CDH9: variants seen among roughly 807,000 people sequenced by gnomAD.
CDH9 encodes the protein cadherin-9.
Under a neutral mutation model 70.9 loss-of-function variants are expected in CDH9, and 28 were observed. That is an observed-to-expected ratio of 0.40 (90% CI 0.29 to 0.54). The LOEUF is 0.54. CDH9 is among the 20% of genes least tolerant of loss of function. The probability of loss-of-function intolerance (pLI) is 0.59; values close to 1 mark genes in which losing one functional copy is unlikely to be tolerated. For missense variants in CDH9, 874 were observed against 984.4 expected, an observed-to-expected ratio of 0.89 and a Z score of 1.50; for synonymous variants, 409 against 343.1, an observed-to-expected ratio of 1.19 and a Z score of -2.12.
At chr5:26,954,217 TTAAA>T (rs1360782999) in intron 2 of CDH9, among the ~76,000 whole-genome samples, 1 of 152,104 alleles carries the variant, frequency 6.6e-6, no homozygotes, top group Non-Finnish European at 1.5e-5. Context: ...TGAAAGGTAT[TTAAA>T]TAAAGATTTT....
intron 7 of CDH9, among the ~76,000 whole-genome samples, chr5:26,892,989 T>C (rs1449409212): frequency 1.3e-5 from 2 of 152,114 alleles, no homozygotes; most frequent in African/African-American, 4.8e-5. Flanking sequence ...TGCCTTGGCC[T>C]CCCAAAGTGC....
At chr5:26,963,696 C>T (rs947545959) in intron 2 of CDH9, among the ~76,000 whole-genome samples, 3 of 151,926 alleles carry the variant, frequency 2.0e-5, no homozygotes, top group African/African-American at 7.3e-5. Context: ...AATCTGCGAA[C>T]ATTAGTGCAC....
intron 1 of CDH9, among the ~76,000 whole-genome samples, chr5:26,993,090 A>C (rs1337877018): frequency 6.9e-6 from 1 of 144,962 alleles, no homozygotes; most frequent in Non-Finnish European, 1.5e-5. Context: ...AACAAGGGTG[A>C]AACTCCGTCT....
chr5:26,973,340 T>C (rs963103597), intron 2 of CDH9, among the ~76,000 whole-genome samples: 10 of 152,174 alleles, frequency 6.6e-5, no homozygotes, highest in African/African-American at 2.4e-4. Context: ...CAATGGTCTG[T>C]TTAGCCTCTG....
chr5:26,964,719 T>G (rs912047457), intron 2 of CDH9, among the ~76,000 whole-genome samples: 3 of 152,040 alleles, frequency 2.0e-5, no homozygotes, highest in Admixed American at 1.3e-4. Flanking sequence ...GCCATGTTGG[T>G]TTGCTGCACC....
At chr5:27,011,393 A>T (rs1022537376) in intron 1 of CDH9, among the ~76,000 whole-genome samples, 3 of 152,082 alleles carry the variant, frequency 2.0e-5, no homozygotes, top group Admixed American at 2.0e-4. Context: ...CAGAAGAGAC[A>T]CAGACAGCAG....
chr5:26,906,855 TC>T lies in CDH9; in HGVS notation c.524-18del. The T allele has an allele frequency of 6.3e-7, 1 of 1,585,312 alleles. No individual in the cohort carries two copies. Among genetic ancestry groups the T allele is most frequent in the South Asian group, 1.2e-5 (1 of 86,860 alleles). On this transcript the variant is annotated intron_variant, in intron 3 of 11. Coordinates refer to ENST00000231021, the MANE Select transcript of CDH9 (RefSeq NM_016279.4). The stretch of plus-strand genomic sequence containing the variant: ...CAGATGTACCTACATGAAACCCCCA[TC>T]CCCAAACAGAGACATTTACATACTT...
intron 2 of CDH9, among the ~76,000 whole-genome samples, chr5:26,918,394 G>T (rs1236020658): frequency 1.3e-5 from 2 of 152,108 alleles, no homozygotes; most frequent in African/African-American, 4.8e-5. Flanking sequence ...CATCACATTT[G>T]ATGTAATTGT....
intron 2 of CDH9, among the ~76,000 whole-genome samples, chr5:26,917,942 AT>A (rs1741176568): frequency 1.3e-5 from 2 of 152,192 alleles, no homozygotes; most frequent in African/African-American, 4.8e-5. Context: ...TTGGTGTTAT[AT>A]TGGCCTGTGG....
intron 2 of CDH9, among the ~76,000 whole-genome samples, chr5:26,971,729 T>C (rs1742221784): frequency 6.6e-6 from 1 of 151,928 alleles, no homozygotes; most frequent in African/African-American, 2.4e-5. Context: ...GGTTAGGTAG[T>C]TTTTCTTTTC....
At chr5:26,938,157 A>C (rs554762578) in intron 2 of CDH9, among the ~76,000 whole-genome samples, 9 of 151,932 alleles carry the variant, frequency 5.9e-5, no homozygotes, top group Admixed American at 5.9e-4. Flanking sequence ...TAAAAATAAA[A>C]ATCTATTAAT....
intron 2 of CDH9, among the ~76,000 whole-genome samples, chr5:26,927,860 A>T (rs2112020100): frequency 6.6e-6 from 1 of 152,132 alleles, no homozygotes; most frequent in East Asian, 1.9e-4. Context: ...GTCTGAAAAC[A>T]TCACCCCTAC....
At position 26,964,838 on chromosome 5, in the gene CDH9, T is replaced by C. The variant is rs1169175078; in HGVS notation, c.228+23268A>G. ...TGTGAGTTTCCCCTCCCTGTGTCCA[T>C]GTGTTCTCATTGTTCATCTCCTGCT... On this transcript the variant is annotated intron_variant, in intron 2 of 11. Transcript: ENST00000231021. 5.7e-5 allele frequency among the ~76,000 whole-genome samples: 7 copies of C among 121,740 alleles called. No homozygotes were observed. The Admixed American group carries it at 7.7e-4, about 13-fold the overall frequency. 79.9% of individuals were successfully genotyped at this position (121,740 alleles called of 152,430 possible).
Position 27,035,171 on chromosome 5 carries a change from G to GTATATATATATATA in CDH9, c.-50+3278_-50+3291dup, listed in dbSNP as rs35693444. Among the ~76,000 whole-genome samples, 207 of 143,262 alleles carry GTATATATATATATA rather than the reference G, an allele frequency of 1.4e-3. 2 individuals carry two copies. The highest frequency in any genetic ancestry group is 4.6e-3 in the African/African-American group (182 of 39,454). The allele number at this position is 143,262 out of a possible 152,430, so 94.0% of individuals were successfully genotyped here. ...TAAGTTTCCACATAATATTGCATAT[G>GTATATATATATATA]TATATATATATATATATATATTTAA... On this transcript the variant is annotated intron_variant, in intron 1 of 11. Transcript: ENST00000231021.
chr5:26,934,401 G>T (rs1741523269), intron 2 of CDH9, among the ~76,000 whole-genome samples: 2 of 152,080 alleles, frequency 1.3e-5, no homozygotes, highest in South Asian at 4.1e-4. Flanking sequence ...GGAAATTGAG[G>T]CTATAGTGAA....
At chr5:26,954,388 CT>C (rs59882843) in intron 2 of CDH9, among the ~76,000 whole-genome samples, 3 of 93,052 alleles carry the variant, frequency 3.2e-5, no homozygotes, top group Non-Finnish European at 3.8e-5. Flanking sequence ...TACAGCCTTT[CT>C]TTTTTTTTTT....
In CDH9 at chr5:26,881,112, T is replaced by C. The variant is rs959138576; in HGVS notation, c.*24A>G. On this transcript the variant is annotated 3_prime_UTR_variant, in exon 12 of 12. Coordinates refer to ENST00000231021, the MANE Select transcript of CDH9 (RefSeq NM_016279.4). Reference sequence around the variant, plus strand: ...ATAACATAGACAGTACTTCCACTAATATTGATTAAGTCAAACAATCCTCTT... The same window carrying C: ...ATAACATAGACAGTACTTCCACTAACATTGATTAAGTCAAACAATCCTCTT... The C allele has an allele frequency of 3.2e-6, 5 of 1,567,272 alleles. No individual in the cohort carries two copies. Among genetic ancestry groups the C allele is most frequent in the Admixed American group, 3.7e-5 (2 of 54,534 alleles).
chr5:26,959,101 A>G (rs1429641846), intron 2 of CDH9, among the ~76,000 whole-genome samples: 3 of 152,190 alleles, frequency 2.0e-5, no homozygotes, highest in African/African-American at 7.2e-5. Context: ...TTTGCAAAAC[A>G]TATATCTTAC....
intron 2 of CDH9, among the ~76,000 whole-genome samples, chr5:26,944,075 A>G (rs565250619): frequency 4.6e-5 from 7 of 151,880 alleles, no homozygotes; most frequent in East Asian, 1.9e-4. Flanking sequence ...TTTGCTCATG[A>G]TTATTTTTAG....
Sources: gnomAD v4.1 joint callset for allele counts (sites outside exome capture counted in the v4.1 genomes callset) on GRCh38, gnomAD v4.1.1 for gene constraint, MANE v1.5 for transcripts, NCBI Gene and HGNC (gene_info 2026-07-23, HGNC 2026-07-21) for gene names.